LRRK1: variants seen among roughly 807,000 people sequenced by gnomAD.
LRRK1 encodes the protein leucine-rich repeat serine/threonine-protein kinase 1.
In LRRK1, 113 loss-of-function variants were observed where a neutral mutation model predicts 209.1. The ratio of observed to expected loss-of-function variants is 0.54; its 90% CI spans 0.46 to 0.63. LRRK1 has a LOEUF of 0.63. LRRK1 is among the 30% of genes least tolerant of loss of function. The probability of loss-of-function intolerance (pLI) is 0.00; values close to 1 mark genes in which losing one functional copy is unlikely to be tolerated. For synonymous variants in LRRK1, 1,144 were observed against 1,099.7 expected, an observed-to-expected ratio of 1.04 and a Z score of -0.80; for missense variants, 2,284 against 2,632.2, an observed-to-expected ratio of 0.87 and a Z score of 2.89.
At chr15:101,061,837 C>T (rs1001368655) in intron 30 of LRRK1, among the ~76,000 whole-genome samples, 2 of 152,264 alleles carry the variant, frequency 1.3e-5, no homozygotes, top group East Asian at 1.9e-4. Flanking sequence ...AGTGAAACCC[C>T]GTCTCTACTA....
Position 101,058,004 on chromosome 15 carries a change from G to C in LRRK1, c.4542G>C (p.Leu1514=). ...CTCTCCCTCAGCGACCGCTGGCCCT[G>C]TCGGTGGTGAGCCAGATGAAGGACC... ...DTKPEKRPLA[L]SVVSQMKDPT... Residue 1514 remains leucine, a synonymous_variant, in exon 29 of 34, where the codon CTG becomes CTC. Transcript: ENST00000388948. The C allele has an allele frequency of 1.9e-6, 3 of 1,614,136 alleles. No individual in the cohort carries two copies. The highest frequency in any genetic ancestry group is 2.5e-6 in the Non-Finnish European group (3 of 1,180,012).
chr15:101,062,253 G>A, intron 30 of LRRK1: 1 of 260,698 alleles, frequency 3.8e-6, no homozygotes, highest in Non-Finnish European at 7.4e-6. Context: ...TGCGGCGTGA[G>A]TCCACTTTGC....
At chr15:100,967,027 T>G (rs545873690) in intron 2 of LRRK1, among the ~76,000 whole-genome samples, 2 of 152,376 alleles carry the variant, frequency 1.3e-5, no homozygotes, top group African/African-American at 4.8e-5. Flanking sequence ...TACACATACC[T>G]GCACATGTCT....
At position 101,012,165 on chromosome 15, in the gene LRRK1, C is replaced by G. The variant is rs2033284161; in HGVS notation, c.1419+20C>G. ...CTTGATGTAAGCCTAATAGCCCTTT[C>G]TTTCTCATTTTCGGCTTTTGAGAGA... On this transcript the variant is annotated intron_variant, in intron 10 of 33. Transcript: ENST00000388948. 1.9e-6 allele frequency: 3 copies of G among 1,577,152 alleles called. No homozygotes were observed. The highest frequency in any genetic ancestry group is 1.7e-6 in the Non-Finnish European group (2 of 1,166,072).
rs368926670 is a variant in LRRK1 at position 101,075,124 on chromosome 15, A to G, written c.*6276A>G. The stretch of plus-strand genomic sequence containing the variant: ...CCCCTTCTTAATCAATACGGAGGCT[A>G]CCCACTCCACATTACCTTCTTTTCA... On this transcript the variant is annotated 3_prime_UTR_variant, in exon 34 of 34. Transcript: ENST00000388948. 1.9e-4 allele frequency: 12 copies of G among 62,828 alleles called. 2 individuals are homozygous for G. The highest frequency in any genetic ancestry group is 1.0e-3 in the African/African-American group (12 of 12,046). The allele number at this position is 62,828 out of a possible 1,614,324, so 3.9% of individuals were successfully genotyped here. A position where few individuals can be genotyped will look rare whatever the true frequency, so the allele number is the denominator to read the frequency against.
At chr15:101,029,299 AG>A (rs1460409965) in intron 20 of LRRK1, 67 bp downstream of exon 20, 1 of 1,473,700 alleles carries the variant, frequency 6.8e-7, no homozygotes, top group Non-Finnish European at 9.2e-7. Flanking sequence ...TGGGGTCTGG[AG>A]CCACTGGTGG....
At chr15:101,017,650 C>T (rs780739169) in intron 12 of LRRK1, among the ~76,000 whole-genome samples, 32 of 152,110 alleles carry the variant, frequency 2.1e-4, no homozygotes, top group African/African-American at 6.8e-4. Context: ...GAGAATCTAA[C>T]GCCTGATGAT....
rs779676368 is a variant in LRRK1, at chr15:101,066,145, T to G, written c.5708T>G (p.Phe1903Cys). 3.0e-5 allele frequency: 48 copies of G among 1,613,806 alleles called. No homozygotes were observed. Among genetic ancestry groups the G allele is most frequent in the Admixed American group, 1.8e-4 (11 of 60,002 alleles). The change falls in exon 32 of 34, where the codon TTC (phenylalanine) becomes TGC (cysteine). Residue 1903 changes from phenylalanine to cysteine, a missense_variant. By Grantham distance (205) the Phe-to-Cys change is radical. Around this residue, in one of 6 missense-constraint regions of LRRK1, gnomAD observed 643 missense variants for 695.9 expected, o/e 0.92. Coordinates refer to ENST00000388948, the MANE Select transcript of LRRK1 (RefSeq NM_024652.6). Reference protein sequence around the residue: ...HDLTPMDGETFSQHLQAVKIL... With the variant: ...HDLTPMDGETCSQHLQAVKIL... ...CTGACCCCCATGGACGGGGAGACCT[T>G]CAGCCAGCACCTGCAGGCCGTGAAG... is the stretch of plus-strand genomic sequence containing the variant.
At chr15:100,993,327 AATATAGATATAGAGAT>A (rs2032247255) in intron 6 of LRRK1, among the ~76,000 whole-genome samples, 1 of 152,318 alleles carries the variant, frequency 6.6e-6, no homozygotes, top group South Asian at 2.1e-4. Context: ...CAGAGCCTGA[AATATAGATATAGAGAT>A]ATATAGATAT....
At chr15:101,014,289 TTC>T in intron 10 of LRRK1, 25 bp from the exon 11 acceptor site, 1 of 1,518,848 alleles carries the variant, frequency 6.6e-7, no homozygotes, top group Admixed American at 1.7e-5. Context: ...CTATCTTAGC[TTC>T]TCTCTCCCTC....
At chr15:101,035,011 T>C (rs1476293841) in intron 20 of LRRK1, among the ~76,000 whole-genome samples, 3 of 152,112 alleles carry the variant, frequency 2.0e-5, no homozygotes, top group African/African-American at 7.2e-5. Context: ...TAGTGATTTA[T>C]CAATTTTGTT....
At chr15:100,973,555 A>G (rs1282655169) in intron 2 of LRRK1, among the ~76,000 whole-genome samples, 2 of 152,130 alleles carry the variant, frequency 1.3e-5, no homozygotes, top group Non-Finnish European at 2.9e-5. Context: ...GAAGGGCTCC[A>G]GGTGGCGGTC....
At chr15:101,068,009 C>A (rs753114466) in intron 33 of LRRK1, among the ~76,000 whole-genome samples, 16 of 152,166 alleles carry the variant, frequency 1.1e-4, no homozygotes, top group Non-Finnish European at 2.2e-4. Flanking sequence ...TGCAGGAGCA[C>A]CTCAGTGCCA....
At chr15:100,960,617 A>G (rs956800698) in intron 2 of LRRK1, among the ~76,000 whole-genome samples, 1 of 152,132 alleles carries the variant, frequency 6.6e-6, no homozygotes. Flanking sequence ...GGTAAAGGGC[A>G]TGGTTTCTGT....
intron 20 of LRRK1, among the ~76,000 whole-genome samples, chr15:101,043,366 C>T (rs183509562): frequency 6.6e-6 from 1 of 152,304 alleles, no homozygotes; most frequent in African/African-American, 2.4e-5. Flanking sequence ...CAAAATAAAA[C>T]CCCAAAGAGG....
At position 101,020,654 on chromosome 15, in the gene LRRK1, G is replaced by C. The variant is rs531373636; in HGVS notation, c.1610-399G>C. 4.6e-5 allele frequency among the ~76,000 whole-genome samples: 7 copies of C among 152,234 alleles called. No individual in the cohort carries two copies. In the South Asian group the frequency reaches 1.5e-3, roughly 32 times the overall value. ...CTCCCAAAGTGCTAGGATTACAGGCGTGAGCCACCAGCCTGGCGCACCTTG... is the reference window on the plus strand; with the variant it reads ...CTCCCAAAGTGCTAGGATTACAGGCCTGAGCCACCAGCCTGGCGCACCTTG... On this transcript the variant is annotated intron_variant, in intron 12 of 33. Coordinates refer to ENST00000388948, the MANE Select transcript of LRRK1 (RefSeq NM_024652.6).
At chr15:100,967,036 C>A (rs1305816772) in intron 2 of LRRK1, among the ~76,000 whole-genome samples, 3 of 152,196 alleles carry the variant, frequency 2.0e-5, no homozygotes, top group Non-Finnish European at 4.4e-5. Context: ...CTGCACATGT[C>A]TTTTACTGGA....
chr15:100,927,364 G>A (rs557731028), intron 2 of LRRK1, among the ~76,000 whole-genome samples: 4 of 152,208 alleles, frequency 2.6e-5, no homozygotes, highest in Non-Finnish European at 5.9e-5. Flanking sequence ...CTGCATCTGA[G>A]CTTGGCACTG....
At chr15:100,974,433 ATGG>A (rs10565459) in intron 3 of LRRK1, among the ~76,000 whole-genome samples, 66,853 of 151,856 alleles carry the variant, frequency 0.44, 15,256 homozygotes, top group African/African-American at 0.57. Context: ...CTGAGCATAC[ATGG>A]TTGTTGTTGT....
Sources: allele counts gnomAD v4.1 joint callset (sites outside exome capture counted in the v4.1 genomes callset), GRCh38; gene constraint gnomAD v4.1.1; regional missense constraint gnomAD v4.1.1; transcripts MANE v1.5; gene names NCBI Gene and HGNC (gene_info 2026-07-23, HGNC 2026-07-21).